Variants in FBXO45 observed in about 807,000 individuals in gnomAD.
FBXO45 encodes F-box/SPRY domain-containing protein 1.
Under a neutral mutation model 25.5 loss-of-function variants are expected in FBXO45, and 3 were observed. The observed-to-expected ratio is 0.12, with a 90% CI of 0.05 to 0.30. The LOEUF is 0.30. Ranked by LOEUF, FBXO45 falls within the 10% of genes least tolerant of loss-of-function variation. The pLI is 1.00. For missense variants in FBXO45, 219 were observed against 365.0 expected (o/e 0.60, Z 3.26); for synonymous variants, 155 against 149.8 (o/e 1.03, Z -0.25).
At chr3:196,573,766 C>T (rs895003990) in intron 1 of FBXO45, among the ~76,000 whole-genome samples, 23 of 151,816 alleles carry the variant, frequency 1.5e-4, no homozygotes, top group Non-Finnish European at 2.9e-4. Context: ...CATATCACCC[C>T]GTAGCATTAA....
At chr3:196,570,712 CTTTTT>C (rs71161937) in intron 1 of FBXO45, among the ~76,000 whole-genome samples, 7 of 99,850 alleles carry the variant, frequency 7.0e-5, no homozygotes, top group South Asian at 6.6e-4. Context: ...TTTCTTTTTT[CTTTTT>C]TTTTTTTTTT....
chr3:196,578,812 A>T (rs1735961301), intron 2 of FBXO45, among the ~76,000 whole-genome samples: 1 of 151,934 alleles, frequency 6.6e-6, no homozygotes, highest in Non-Finnish European at 1.5e-5. Context: ...TTTTTTTTTT[A>T]AAGCTGATTA....
At position 196,584,328 on chromosome 3, in the gene FBXO45, T is replaced by G. The variant is rs370352951; in HGVS notation, c.*10T>G. ...ACCTTTGGACGGATGACAGTGGCTT[T>G]CTTGTGATGACAGACAGAATGGAGG... On this transcript the variant is annotated 3_prime_UTR_variant, in exon 3 of 3. Coordinates refer to ENST00000311630, the MANE Select transcript of FBXO45 (RefSeq NM_001105573.2). This position sits in a 1 kb window ranked among gnomAD's most constrained non-coding sequence, Gnocchi z 4.3. The G allele has an allele frequency of 1.5e-4, 239 of 1,595,120 alleles. No individual in the cohort carries two copies. The highest frequency in any genetic ancestry group is 2.0e-4 in the Non-Finnish European group (234 of 1,173,420).
chr3:196,581,250 T>G (rs1448849737), intron 2 of FBXO45, among the ~76,000 whole-genome samples: 8 of 137,590 alleles, frequency 5.8e-5, no homozygotes, highest in African/African-American at 2.4e-4. Flanking sequence ...TTTTTTTTTT[T>G]TGAGACAGTC....
chr3:196,580,802 C>G (rs1160959302), intron 2 of FBXO45, among the ~76,000 whole-genome samples: 1 of 148,796 alleles, frequency 6.7e-6, no homozygotes, highest in Non-Finnish European at 1.5e-5. Context: ...GATAGGGTCT[C>G]GCTCTGACAC....
intron 1 of FBXO45, among the ~76,000 whole-genome samples, chr3:196,571,312 G>A (rs1735822379): frequency 1.3e-5 from 2 of 152,072 alleles, no homozygotes. Context: ...CTGCATCCTC[G>A]ACCTCCTGAG....
chr3:196,581,451 G>A lies in FBXO45; in HGVS notation c.676-2682G>A, dbSNP rs113903168. 4.0e-4 allele frequency among the ~76,000 whole-genome samples: 60 copies of A among 151,630 alleles called. 1 individual carries two copies. In the East Asian group the frequency reaches 0.01, roughly 26 times the overall value. Reference sequence around the variant, plus strand: ...TCACCATGTTGGCCAGGATGGTCTCGATCTCTTGACCTCGTGATCCGCCCG... The same window carrying A: ...TCACCATGTTGGCCAGGATGGTCTCAATCTCTTGACCTCGTGATCCGCCCG... On this transcript the variant is annotated intron_variant, in intron 2 of 2. Transcript: ENST00000311630.
chr3:196,582,304 C>G (rs965966796), intron 2 of FBXO45, among the ~76,000 whole-genome samples: 2 of 152,118 alleles, frequency 1.3e-5, no homozygotes, highest in Admixed American at 1.3e-4. Context: ...CGACACAACA[C>G]AAATACCCAA....
chr3:196,569,157 G>A lies in FBXO45; in HGVS notation c.173G>A (p.Ser58Asn), dbSNP rs1413440541. The A allele has an allele frequency of 6.4e-7, 1 of 1,552,034 alleles. No individual in the cohort carries two copies. The highest frequency in any genetic ancestry group is 1.2e-5 in the South Asian group (1 of 84,126). Residue 58 changes from serine (S) to asparagine (N), a missense_variant, in exon 1 of 3, where the codon AGC becomes AAC. By Grantham distance (46) the Ser-to-Asn change is conservative (BLOSUM62 1). Transcript: ENST00000311630. The surrounding 1 kb of genome is among the most constrained non-coding windows in gnomAD (Gnocchi z 4.1). ...FSYLELSELR[S>N]CALVCKHWYR... ...TACCTGGAGCTGTCCGAGCTGCGGA[G>A]CTGCGCCCTGGTGTGCAAGCACTGG...
intron 1 of FBXO45, among the ~76,000 whole-genome samples, chr3:196,570,527 G>T (rs924104490): frequency 6.6e-6 from 1 of 152,044 alleles, no homozygotes; most frequent in Non-Finnish European, 1.5e-5. Flanking sequence ...GTGAGCCACC[G>T]CGCGATAACA....
At chr3:196,573,369 A>G (rs1735860373) in intron 1 of FBXO45, among the ~76,000 whole-genome samples, 2 of 152,240 alleles carry the variant, frequency 1.3e-5, no homozygotes, top group African/African-American at 4.8e-5. Flanking sequence ...GCTTTGAAAT[A>G]TAGCCTTCAG....
rs182561175 is a variant in FBXO45, at chr3:196,575,314, G to A, written c.319-2139G>A. On this transcript the variant is annotated intron_variant, in intron 1 of 2. Coordinates refer to ENST00000311630, the MANE Select transcript of FBXO45 (RefSeq NM_001105573.2). ...CTATTCAAAATTCAAAAATTAGCCGGGTGTGGTGGTGCACGTCTGTAATCC... is the reference window on the plus strand; with the variant it reads ...CTATTCAAAATTCAAAAATTAGCCGAGTGTGGTGGTGCACGTCTGTAATCC... 6.2e-4 allele frequency among the ~76,000 whole-genome samples: 94 copies of A among 152,102 alleles called. No homozygotes were observed. The East Asian group carries it at 9.3e-3, about 15-fold the overall frequency.
chr3:196,572,227 C>T (rs1323909580), intron 1 of FBXO45, among the ~76,000 whole-genome samples: 3 of 152,230 alleles, frequency 2.0e-5, no homozygotes, highest in East Asian at 1.9e-4. Context: ...GCACTATGCT[C>T]ATTTGCAGAT....
rs750225545 is a variant in FBXO45 at position 196,584,115 on chromosome 3, T to G, written c.676-18T>G. ...CCCTTGGCAGATTTTCTTCTAACCT[T>G]TTGATATCTGTTTGCAGATAGGAGA... On this transcript the variant is annotated intron_variant, in intron 2 of 2. Coordinates refer to ENST00000311630, the MANE Select transcript of FBXO45 (RefSeq NM_001105573.2). This position sits in a 1 kb window ranked among gnomAD's most constrained non-coding sequence, Gnocchi z 4.3. 1 of 1,610,860 alleles carries G rather than the reference T, an allele frequency of 6.2e-7. No individual in the cohort carries two copies. The highest frequency in any genetic ancestry group is 8.5e-7 in the Non-Finnish European group (1 of 1,178,998).
chr3:196,570,323 C>T (rs1246342523), intron 1 of FBXO45, among the ~76,000 whole-genome samples: 1 of 151,472 alleles, frequency 6.6e-6, no homozygotes, highest in African/African-American at 2.4e-5. Context: ...CCGCAACCTC[C>T]GCCTTCCAGG....
intron 2 of FBXO45, among the ~76,000 whole-genome samples, chr3:196,582,154 G>C (rs1403461751): frequency 6.6e-6 from 1 of 152,124 alleles, no homozygotes; most frequent in African/African-American, 2.4e-5. Flanking sequence ...TCTCCACCCT[G>C]GGCTTTGTGC....
rs773597567 is a variant in FBXO45, at chr3:196,577,408, A to G, written c.319-45A>G. The G allele has an allele frequency of 5.8e-6, 8 of 1,370,870 alleles. No individual in the cohort carries two copies. In the Admixed American group the frequency reaches 2.0e-4, roughly 35 times the overall value. The allele number at this position is 1,370,870 out of a possible 1,614,324, so 84.9% of individuals were successfully genotyped here. ...GTTTGGGTAATTTTTAATATTTAAG[A>G]AAAATAAAATTGTTATTTATTTGGT... On this transcript the variant is annotated intron_variant, in intron 1 of 2. Coordinates refer to ENST00000311630, the MANE Select transcript of FBXO45 (RefSeq NM_001105573.2).
At position 196,584,548 on chromosome 3, in the gene FBXO45, A is replaced by G. The variant is rs1215477040; in HGVS notation, c.*230A>G. On this transcript the variant is annotated 3_prime_UTR_variant, in exon 3 of 3. Transcript: ENST00000311630. This position sits in a 1 kb window ranked among gnomAD's most constrained non-coding sequence, Gnocchi z 4.3. ...GGTTGAGTGGGCAGTTGACATATGC[A>G]TGTTGCACCCGATGTTGTCTCTAAG... The G allele has an allele frequency of 4.7e-6, 2 of 428,870 alleles. No homozygotes were observed. The highest frequency in any genetic ancestry group is 2.1e-5 in the African/African-American group (1 of 48,518). 26.6% of individuals were successfully genotyped at this position (428,870 alleles called of 1,614,324 possible). A position where few individuals can be genotyped will look rare whatever the true frequency, so the allele number is the denominator to read the frequency against.
At chr3:196,578,230 T>A (rs1026437307) in intron 2 of FBXO45, among the ~76,000 whole-genome samples, 1 of 151,928 alleles carries the variant, frequency 6.6e-6, no homozygotes, top group Non-Finnish European at 1.5e-5. Flanking sequence ...AGAGACAGGG[T>A]TTCACCATCT....
Sources: gnomAD v4.1 joint callset for allele counts (sites outside exome capture counted in the v4.1 genomes callset) on GRCh38, gnomAD v4.1.1 for gene constraint, Gnocchi (gnomAD v3.1) non-coding constraint, MANE v1.5 for transcripts, NCBI Gene and HGNC (gene_info 2026-07-23, HGNC 2026-07-21) for gene names.